SLC22A3: variants seen among roughly 807,000 people sequenced by gnomAD.
The protein encoded by SLC22A3 is EMT organic cation transporter 3.
SLC22A3 carries 51 observed loss-of-function variants against 59.1 expected under a neutral mutation model. That is an observed-to-expected ratio of 0.86 (90% confidence interval 0.69 to 1.09). SLC22A3 has a LOEUF of 1.09. Among genes scored for constraint, SLC22A3 ranks in the 50% least tolerant of loss-of-function variants. The pLI, the probability that SLC22A3 is intolerant of heterozygous loss-of-function variation, is 0.00. For synonymous variants in SLC22A3, 325 were observed against 292.0 expected (o/e 1.11, Z -1.15); for missense variants, 711 against 726.3 (o/e 0.98, Z 0.24).
At chr6:160,354,569 G>C (rs142249230) in intron 1 of SLC22A3, among the ~76,000 whole-genome samples, 118 of 152,304 alleles carry the variant, frequency 7.7e-4, no homozygotes, top group African/African-American at 2.7e-3. Flanking sequence ...GGCCAGTTGT[G>C]GTGGTTCATG....
intron 7 of SLC22A3, among the ~76,000 whole-genome samples, chr6:160,439,926 T>C (rs1273511043): frequency 6.6e-6 from 1 of 152,196 alleles, no homozygotes; most frequent in Non-Finnish European, 1.5e-5. Context: ...AGAAAGGCTT[T>C]TCTGCTCAGC....
chr6:160,433,510 C>G (rs1168600106), intron 5 of SLC22A3, among the ~76,000 whole-genome samples: 1 of 139,646 alleles, frequency 7.2e-6, no homozygotes, highest in Non-Finnish European at 1.5e-5. Context: ...CAGCAAGACC[C>G]TGTCTCTACT....
chr6:160,422,387 T>C (rs1274871102), intron 5 of SLC22A3, among the ~76,000 whole-genome samples: 2 of 152,200 alleles, frequency 1.3e-5, no homozygotes, highest in Non-Finnish European at 2.9e-5. Context: ...GAATCAATCC[T>C]GCTTTCCCTA....
At chr6:160,428,467 G>C (rs750344136) in intron 5 of SLC22A3, among the ~76,000 whole-genome samples, 7 of 152,220 alleles carry the variant, frequency 4.6e-5, no homozygotes, top group Non-Finnish European at 8.8e-5. Context: ...TCTGAACTGA[G>C]ATGTGCTATC....
chr6:160,389,431 G>C (rs928244614), intron 1 of SLC22A3, among the ~76,000 whole-genome samples: 1 of 152,170 alleles, frequency 6.6e-6, no homozygotes, highest in African/African-American at 2.4e-5. Context: ...GGATGGCCAA[G>C]CACCTTAACT....
chr6:160,448,417 G>A (rs976904011), intron 10 of SLC22A3, among the ~76,000 whole-genome samples: 1 of 152,086 alleles, frequency 6.6e-6, no homozygotes, highest in Non-Finnish European at 1.5e-5. Context: ...ATAGATAAGT[G>A]ATAGTAGATA....
At chr6:160,354,101 C>CCTTAG (rs1784750529) in intron 1 of SLC22A3, among the ~76,000 whole-genome samples, 1 of 152,110 alleles carries the variant, frequency 6.6e-6, no homozygotes, top group Non-Finnish European at 1.5e-5. Context: ...GAGCTTTGGG[C>CCTTAG]AAAGGTAGGG....
At chr6:160,401,858 T>A (rs961725414) in intron 2 of SLC22A3, among the ~76,000 whole-genome samples, 2 of 151,894 alleles carry the variant, frequency 1.3e-5, no homozygotes, top group Non-Finnish European at 1.5e-5. Flanking sequence ...AAAAAAGATT[T>A]TTTTTAAAAA....
chr6:160,446,761 A>G lies in SLC22A3; in HGVS notation c.1511-958A>G, dbSNP rs143377387. On this transcript the variant is annotated intron_variant, in intron 9 of 10. Coordinates refer to ENST00000275300, the MANE Select transcript of SLC22A3 (RefSeq NM_021977.4). ...TCAAAAAGTAAAGAATATGAAATAT[A>G]TGAGAAATAGAGGCAATAAATGCCC... Among the ~76,000 whole-genome samples, 214 of 152,374 alleles carry G rather than the reference A, an allele frequency of 1.4e-3. 2 individuals are homozygous for G. In the Middle Eastern group the frequency reaches 0.02, roughly 15 times the overall value.
intron 1 of SLC22A3, among the ~76,000 whole-genome samples, chr6:160,363,778 C>T (rs1022690837): frequency 6.6e-6 from 1 of 152,088 alleles, no homozygotes; most frequent in East Asian, 1.9e-4. Context: ...CATGTCCCTG[C>T]CCCCAGCACA....
intron 1 of SLC22A3, among the ~76,000 whole-genome samples, chr6:160,352,514 GA>G (rs567486866): frequency 2.3e-4 from 34 of 150,804 alleles, no homozygotes; most frequent in African/African-American, 7.0e-4. Flanking sequence ...TGGTATGGAT[GA>G]AAAAAAAAGA....
chr6:160,348,619 C>T lies in SLC22A3; in HGVS notation c.200C>T (p.Pro67Leu). ...AALAERCGWS[P>L]EEEWNRTAPA... ...CTGGCCGAGCGCTGCGGCTGGAGCCCGGAGGAGGAGTGGAACCGCACGGCG... is the reference window on the plus strand; with the variant it reads ...CTGGCCGAGCGCTGCGGCTGGAGCCTGGAGGAGGAGTGGAACCGCACGGCG... Residue 67 changes from proline (P) to leucine (L), a missense_variant, in exon 1 of 11, where the codon CCG becomes CTG. Physicochemically the swap from Pro to Leu is moderately conservative, Grantham distance 98. Coordinates refer to ENST00000275300, the MANE Select transcript of SLC22A3 (RefSeq NM_021977.4). 6.6e-7 allele frequency: 1 copy of T among 1,504,554 alleles called. No individual in the cohort carries two copies. The highest frequency in any genetic ancestry group is 8.8e-7 in the Non-Finnish European group (1 of 1,134,488). The allele number at this position is 1,504,554 out of a possible 1,614,324, so 93.2% of individuals were successfully genotyped here.
intron 1 of SLC22A3, among the ~76,000 whole-genome samples, chr6:160,359,248 G>T (rs1003348845): frequency 6.6e-6 from 1 of 152,150 alleles, no homozygotes; most frequent in Non-Finnish European, 1.5e-5. Context: ...CAGCAGTTGT[G>T]GTGGGGCACT....
At chr6:160,447,351 A>G (rs2114931086) in intron 9 of SLC22A3, among the ~76,000 whole-genome samples, 1 of 152,128 alleles carries the variant, frequency 6.6e-6, no homozygotes, top group Middle Eastern at 3.4e-3. Flanking sequence ...GGGGCAGGTA[A>G]GTGAGAGTGT....
chr6:160,376,475 A>G (rs1217288623), intron 1 of SLC22A3, among the ~76,000 whole-genome samples: 1 of 152,186 alleles, frequency 6.6e-6, no homozygotes, highest in East Asian at 1.9e-4. Flanking sequence ...GCACACGTAT[A>G]CCTATGTAAC....
At chr6:160,413,898 T>A (rs1175469777) in intron 5 of SLC22A3, among the ~76,000 whole-genome samples, 1 of 152,188 alleles carries the variant, frequency 6.6e-6, no homozygotes, top group African/African-American at 2.4e-5. Context: ...GGATTATGAA[T>A]TGTTGATCTC....
At chr6:160,387,222 C>A (rs1222024165) in intron 1 of SLC22A3, among the ~76,000 whole-genome samples, 1 of 152,236 alleles carries the variant, frequency 6.6e-6, no homozygotes, top group Non-Finnish European at 1.5e-5. Flanking sequence ...CCCAGCCCAA[C>A]TTTGCTTTCT....
At chr6:160,354,214 G>A (rs908158348) in intron 1 of SLC22A3, among the ~76,000 whole-genome samples, 1 of 152,202 alleles carries the variant, frequency 6.6e-6, no homozygotes, top group African/African-American at 2.4e-5. Context: ...GTCCTTTGGT[G>A]TCAGATAAAT....
chr6:160,387,597 G>A (rs1207552406), intron 1 of SLC22A3, among the ~76,000 whole-genome samples: 2 of 152,098 alleles, frequency 1.3e-5, no homozygotes, highest in Admixed American at 6.6e-5. Flanking sequence ...ATGTATGATG[G>A]TCTCCACTCA....
Sources: gnomAD v4.1 joint callset for allele counts (sites outside exome capture counted in the v4.1 genomes callset) on GRCh38, gnomAD v4.1.1 for gene constraint, MANE v1.5 for transcripts, NCBI Gene and HGNC (gene_info 2026-07-23, HGNC 2026-07-21) for gene names.